Variants in JAKMIP3 observed in about 807,000 individuals in gnomAD.
JAKMIP3 encodes the protein Janus kinase and microtubule interacting protein 3, also known as janus kinase and microtubule-interacting protein 3.
A neutral mutation model predicts 118.5 loss-of-function variants in JAKMIP3; 58 were observed. The ratio of observed to expected loss-of-function variants is 0.49; its 90% CI spans 0.40 to 0.61. JAKMIP3 has a LOEUF of 0.61. Ranked by LOEUF, JAKMIP3 falls within the 20% of genes least tolerant of loss-of-function variation. The pLI is 0.00. For synonymous variants in JAKMIP3, 486 were observed against 451.2 expected, an observed-to-expected ratio of 1.08 and a Z score of -0.98; for missense variants, 950 against 1,109.0, an observed-to-expected ratio of 0.86 and a Z score of 2.04.
rs537944600 is a variant in JAKMIP3 at position 132,173,771 on chromosome 10, G to T, written c.*1103+4738G>T. On this transcript the variant is annotated intron_variant, in intron 23 of 23. Coordinates refer to ENST00000684848, the MANE Select transcript of JAKMIP3 (RefSeq NM_001323087.2). ...TGTGGTGTGTCTCTGGTGGTCTGTGGTGTGTCTGTGATGTGTTAGTGGTGG... is the reference window on the plus strand; with the variant it reads ...TGTGGTGTGTCTCTGGTGGTCTGTGTTGTGTCTGTGATGTGTTAGTGGTGG... Among the ~76,000 whole-genome samples the T allele has an allele frequency of 5.4e-3, 499 of 91,794 alleles. 4 individuals carry two copies. The highest frequency in any genetic ancestry group is 8.4e-3 in the Non-Finnish European group (349 of 41,742). 60.2% of individuals were successfully genotyped at this position (91,794 alleles called of 152,430 possible).
chr10:132,118,664 C>T lies in JAKMIP3; in HGVS notation c.633+1090C>T, dbSNP rs1217179457. 6.6e-6 allele frequency among the ~76,000 whole-genome samples: 1 copy of T among 152,248 alleles called. No individual in the cohort carries two copies. Among genetic ancestry groups the T allele is most frequent in the Non-Finnish European group, 1.5e-5 (1 of 68,044 alleles). ...GTAAATATGACCTCGCCACAGTGTA[C>T]ACGTGGGTGCCCCCAAACGTGCCTA... On this transcript the variant is annotated intron_variant, in intron 3 of 23. Coordinates refer to ENST00000684848, the MANE Select transcript of JAKMIP3 (RefSeq NM_001323087.2). The surrounding 1 kb of genome is among the most constrained non-coding windows in gnomAD (Gnocchi z 4.8).
In JAKMIP3 at chr10:132,179,176, A is replaced by G. The variant is rs2060461158; in HGVS notation, c.*1104-3181A>G. Among the ~76,000 whole-genome samples, 1 of 152,198 alleles carries G rather than the reference A, an allele frequency of 6.6e-6. No individual in the cohort carries two copies. Among genetic ancestry groups the G allele is most frequent in the African/African-American group, 2.4e-5 (1 of 41,446 alleles). On this transcript the variant is annotated intron_variant, in intron 23 of 23. Transcript: ENST00000684848. This position sits in a 1 kb window ranked among gnomAD's most constrained non-coding sequence, Gnocchi z 4.3. ...TGTCAACTTGTTCCTACACTTCATC[A>G]GCTATCCTCGTTGCAGCCCAAGATA... is the stretch of plus-strand genomic sequence containing the variant.
intron 2 of JAKMIP3, among the ~76,000 whole-genome samples, chr10:132,115,814 A>G (rs753353858): frequency 4.6e-5 from 7 of 152,224 alleles, no homozygotes; most frequent in Admixed American, 6.5e-5. Context: ...TTCATTTAAG[A>G]TTCTGTCAAC....
At chr10:132,108,346 A>G (rs1327314329) in intron 2 of JAKMIP3, among the ~76,000 whole-genome samples, 6 of 103,442 alleles carry the variant, frequency 5.8e-5, no homozygotes, top group Admixed American at 1.7e-4. Context: ...TCCCTCTCCC[A>G]GCCCTTTCAT....
At chr10:132,157,703 C>G (rs1274040143) in intron 19 of JAKMIP3, among the ~76,000 whole-genome samples, 1 of 152,206 alleles carries the variant, frequency 6.6e-6, no homozygotes, top group Admixed American at 6.5e-5. Context: ...TAACCTTTCC[C>G]ACCTCTCTCA....
At chr10:132,100,925 T>A (rs1198138286) in intron 1 of JAKMIP3, among the ~76,000 whole-genome samples, 1 of 152,192 alleles carries the variant, frequency 6.6e-6, no homozygotes, top group Non-Finnish European at 1.5e-5. Flanking sequence ...GCTGGGTGCC[T>A]GAGCCTTGCC....
chr10:132,182,245 G>T (rs2137422190), intron 23 of JAKMIP3, 112 bp from the exon 24 acceptor site: 1 of 152,444 alleles, frequency 6.6e-6, no homozygotes, highest in Non-Finnish European at 1.5e-5. Context: ...ACCATCCTGT[G>T]CAGAGCCAGT....
intron 1 of JAKMIP3, among the ~76,000 whole-genome samples, chr10:132,054,053 A>G (rs1323703917): frequency 6.6e-6 from 1 of 151,024 alleles, no homozygotes; most frequent in Admixed American, 6.6e-5. Context: ...AAAAAAAAAA[A>G]AAAAAAATGC....
At chr10:132,084,595 G>T (rs978552475) in intron 1 of JAKMIP3, among the ~76,000 whole-genome samples, 2 of 152,052 alleles carry the variant, frequency 1.3e-5, no homozygotes, top group Admixed American at 6.5e-5. Flanking sequence ...CTCTGGCTGG[G>T]ACTTCCAGTA....
rs2038033589 is a variant in JAKMIP3 at position 132,049,352 on chromosome 10, T to C, written c.-138+12614T>C. ...TCACCTTCCACTTCCTCCTCTTTCT[T>C]GCTGACCTGTTACTTTTCTCTTTAT... is the stretch of plus-strand genomic sequence containing the variant. On this transcript the variant is annotated intron_variant, in intron 1 of 23. Coordinates refer to the JAKMIP3 transcript ENST00000657785. The surrounding 1 kb of genome is among the most constrained non-coding windows in gnomAD (Gnocchi z 4.3). Among the ~76,000 whole-genome samples, 1 of 152,218 alleles carries C rather than the reference T, an allele frequency of 6.6e-6. No individual in the cohort carries two copies. The highest frequency in any genetic ancestry group is 2.1e-4 in the South Asian group (1 of 4,824).
chr10:132,044,580 G>T lies in JAKMIP3; in HGVS notation c.-138+7842G>T, dbSNP rs977033710. Among the ~76,000 whole-genome samples, 1 of 152,084 alleles carries T rather than the reference G, an allele frequency of 6.6e-6. No homozygotes were observed. Among genetic ancestry groups the T allele is most frequent in the Non-Finnish European group, 1.5e-5 (1 of 68,008 alleles). Reference sequence around the variant, plus strand: ...GCCCAAGGGAGCTGGGGTGCACCTGGGACTAGAGCAGGCTGGGGTCCTGGC... The same window carrying T: ...GCCCAAGGGAGCTGGGGTGCACCTGTGACTAGAGCAGGCTGGGGTCCTGGC... On this transcript the variant is annotated intron_variant, in intron 1 of 23. Transcript: ENST00000657785. This position sits in a 1 kb window ranked among gnomAD's most constrained non-coding sequence, Gnocchi z 5.3.
Position 132,049,410 on chromosome 10 carries a change from A to G in JAKMIP3, c.-138+12672A>G, listed in dbSNP as rs185129368. 4.0e-3 allele frequency among the ~76,000 whole-genome samples: 602 copies of G among 151,032 alleles called. 3 individuals are homozygous for G. The highest frequency in any genetic ancestry group is 0.014 in the African/African-American group (576 of 41,106). On this transcript the variant is annotated intron_variant, in intron 1 of 23. Coordinates refer to the JAKMIP3 transcript ENST00000657785. This position sits in a 1 kb window ranked among gnomAD's most constrained non-coding sequence, Gnocchi z 4.3. ...TATTTTCTTGTTTCTCCCCTTGCCT[A>G]TTCTTCAACTGCCTCTTATTAAATT...
At chr10:132,043,172 G>A (rs1383753979) in intron 1 of JAKMIP3, among the ~76,000 whole-genome samples, 1 of 152,084 alleles carries the variant, frequency 6.6e-6, no homozygotes, top group Admixed American at 6.6e-5. Flanking sequence ...TGTTCCCTCT[G>A]CTGGTCAATG....
chr10:132,046,244 G>A (rs2037911612), intron 1 of JAKMIP3, among the ~76,000 whole-genome samples: 1 of 152,138 alleles, frequency 6.6e-6, no homozygotes, highest in Non-Finnish European at 1.5e-5. Flanking sequence ...CACAAGGTCA[G>A]GAGATCAAGA....
At position 132,117,527 on chromosome 10, in the gene JAKMIP3, G is replaced by T; in HGVS notation, c.586G>T (p.Glu196Ter). Reference sequence around the variant, plus strand: ...CAGCGTGTACCACCTGCACCAGGAGGAGATCACCCGCATCAAGAAGGAGTG... The same window carrying T: ...CAGCGTGTACCACCTGCACCAGGAGTAGATCACCCGCATCAAGAAGGAGTG... Reference protein sequence around the residue: ...IRSVYHLHQEEITRIKKECER... With the variant: ...IRSVYHLHQE The change falls in exon 3 of 24, where the codon GAG becomes TAG. Residue 196 changes from glutamate (E) to a stop codon, truncating the protein, a stop_gained. Transcript: ENST00000684848. LOFTEE classifies it high-confidence loss of function. This position sits in a 1 kb window ranked among gnomAD's most constrained non-coding sequence, Gnocchi z 8.6. The T allele has an allele frequency of 6.3e-7, 1 of 1,594,690 alleles. No homozygotes were observed.
chr10:132,088,209 T>C (rs899553825), intron 1 of JAKMIP3, among the ~76,000 whole-genome samples: 8 of 152,262 alleles, frequency 5.3e-5, no homozygotes, highest in Admixed American at 5.2e-4. Context: ...TTATAATCCT[T>C]TGGGTATATA....
intron 1 of JAKMIP3, among the ~76,000 whole-genome samples, chr10:132,076,402 T>A (rs1470676175): frequency 2.0e-5 from 3 of 152,302 alleles, no homozygotes; most frequent in Non-Finnish European, 2.9e-5. Flanking sequence ...TGTTTATCTG[T>A]TCACGAGTTG....
intron 1 of JAKMIP3, among the ~76,000 whole-genome samples, chr10:132,093,931 ATTTTT>A (rs35838926): frequency 6.2e-4 from 64 of 103,616 alleles, no homozygotes; most frequent in South Asian, 2.3e-3. Context: ...TCTTGTATCT[ATTTTT>A]TTTTTTTTTT....
rs774428233 is a variant in JAKMIP3 at position 132,163,377 on chromosome 10, C to G, written c.2389C>G (p.Arg797Gly). The G allele has an allele frequency of 6.2e-7, 1 of 1,606,068 alleles. No individual in the cohort carries two copies. The highest frequency in any genetic ancestry group is 1.7e-5 in the Admixed American group (1 of 59,734). ...GCGCGAGCGGGACGCCCAGATCCTG[C>G]GGGAGCGCATGGAGCTGCTGCAGCT... ...ELRERDAQIL[R>G]ERMELLQLAQ... is the part of the protein sequence containing the mutation. Residue 797 changes from arginine to glycine, a missense_variant, in exon 20 of 24, where the codon CGG becomes GGG. Transcript: ENST00000684848.
Sources: gnomAD v4.1 joint callset for allele counts (sites outside exome capture counted in the v4.1 genomes callset) on GRCh38, gnomAD v4.1.1 for gene constraint, Gnocchi (gnomAD v3.1) non-coding constraint, MANE v1.5 for transcripts, NCBI Gene and HGNC (gene_info 2026-07-23, HGNC 2026-07-21) for gene names.